The following CNNM1 variants were observed in gnomAD, a reference collection of about 807,000 sequenced individuals.
CNNM1 encodes the protein metal transporter CNNM1.
In CNNM1, 44 loss-of-function variants were observed where a neutral mutation model predicts 78.8. That is an observed-to-expected ratio of 0.56 (90% CI 0.44 to 0.72). The LOEUF is 0.72. Among genes scored for constraint, CNNM1 ranks in the 30% least tolerant of loss-of-function variants. The pLI, the probability that CNNM1 is intolerant of heterozygous loss-of-function variation, is 0.00. For synonymous variants in CNNM1, 584 were observed against 581.5 expected (o/e 1.00, Z -0.06); for missense variants, 1,101 against 1,292.2 (o/e 0.85, Z 2.27).
chr10:99,334,835 C>T (rs1252866304), intron 1 of CNNM1, among the ~76,000 whole-genome samples: 7 of 152,154 alleles, frequency 4.6e-5, no homozygotes, highest in Admixed American at 4.6e-4. Flanking sequence ...AACAGTTCTT[C>T]CAGGCACCAT....
rs532987929 is a variant in CNNM1 at position 99,365,867 on chromosome 10, G to A, written c.2176+865G>A. On this transcript the variant is annotated intron_variant, in intron 6 of 10. Coordinates refer to ENST00000356713, the MANE Select transcript of CNNM1 (RefSeq NM_020348.3). ...GAGGGTCCCAGAGCTTGATATCATA[G>A]TCCCTGGAACATGGCAAGGTAGATA... Among the ~76,000 whole-genome samples, 5 of 152,296 alleles carry A rather than the reference G, an allele frequency of 3.3e-5. No homozygotes were observed. The South Asian group carries it at 1.0e-3, about 32-fold the overall frequency.
chr10:99,368,176 A>G (rs1295081759), intron 6 of CNNM1, among the ~76,000 whole-genome samples: 1 of 152,194 alleles, frequency 6.6e-6, no homozygotes, highest in Non-Finnish European at 1.5e-5. Flanking sequence ...GCAGGAGCAC[A>G]CGCTTTCCAT....
rs1413453927 is a variant in CNNM1, at chr10:99,330,970, A to G, written c.1573+10A>G. On this transcript the variant is annotated intron_variant, in intron 1 of 10. Coordinates refer to ENST00000356713, the MANE Select transcript of CNNM1 (RefSeq NM_020348.3). ...GAGGAGTTTAAGAAGGGTGAGCAGT[A>G]GTCTATCTTCTCCCCCAACTCCTAT... 6.3e-7 allele frequency: 1 copy of G among 1,599,244 alleles called. No individual in the cohort carries two copies. The highest frequency in any genetic ancestry group is 1.3e-5 in the African/African-American group (1 of 74,714).
rs767922278 is a variant in CNNM1 at position 99,330,428 on chromosome 10, T to C, written c.1041T>C (p.Cys347=). 1.3e-6 allele frequency: 2 copies of C among 1,593,414 alleles called. No homozygotes were observed. The highest frequency in any genetic ancestry group is 2.7e-5 in the African/African-American group (2 of 74,560). ...LGAEICPYSV[C]SRHGLAIASH... ...CCGAAATCTGCCCCTACTCAGTGTG[T>C]TCGCGGCACGGGCTGGCCATCGCCT... Residue 347 remains cysteine, a synonymous_variant, in exon 1 of 11, where the codon TGT becomes TGC. Coordinates refer to ENST00000356713, the MANE Select transcript of CNNM1 (RefSeq NM_020348.3).
intron 7 of CNNM1, among the ~76,000 whole-genome samples, chr10:99,383,431 G>T (rs1037047012): frequency 3.9e-5 from 6 of 152,000 alleles, no homozygotes; most frequent in Non-Finnish European, 8.8e-5. Flanking sequence ...GCGCCACCAC[G>T]CCTGGCTAAT....
Position 99,330,707 on chromosome 10 carries a change from C to A in CNNM1, c.1320C>A (p.Phe440Leu). Residue 440 changes from phenylalanine (F) to leucine (L), a missense_variant, in exon 1 of 11, where the codon TTC becomes TTA. Phe to Leu is a conservative substitution (Grantham distance 22, BLOSUM62 0). Around this residue, in one of 3 missense-constraint regions of CNNM1, gnomAD observed 277 missense variants for 423.2 expected, o/e 0.65. Coordinates refer to ENST00000356713, the MANE Select transcript of CNNM1 (RefSeq NM_020348.3). ...EEVLTPLGDCFMLRSDAVLDF... is the reference protein window; with the variant it reads ...EEVLTPLGDCLMLRSDAVLDF... ...TGCTGACCCCCCTGGGAGACTGCTT[C>A]ATGCTGCGCTCAGACGCGGTGCTCG... 6.2e-7 allele frequency: 1 copy of A among 1,614,034 alleles called. No homozygotes were observed. The highest frequency in any genetic ancestry group is 8.5e-7 in the Non-Finnish European group (1 of 1,179,888).
intron 7 of CNNM1, among the ~76,000 whole-genome samples, chr10:99,383,725 G>A (rs1488252366): frequency 6.6e-6 from 1 of 152,218 alleles, no homozygotes; most frequent in African/African-American, 2.4e-5. Context: ...AGAGAAGCTG[G>A]GTGGGACCAG....
chr10:99,354,163 A>G (rs541847108), intron 1 of CNNM1, among the ~76,000 whole-genome samples: 18 of 152,338 alleles, frequency 1.2e-4, no homozygotes, highest in African/African-American at 4.3e-4. Flanking sequence ...AGCACATATT[A>G]GCAGAAAAGT....
Position 99,392,189 on chromosome 10 carries a change from T to C in CNNM1, c.*673T>C, listed in dbSNP as rs183979129. 19 of 152,454 alleles carry C rather than the reference T, an allele frequency of 1.2e-4. No homozygotes were observed. The highest frequency in any genetic ancestry group is 4.6e-4 in the African/African-American group (19 of 41,570). The allele number at this position is 152,454 out of a possible 1,614,324, so 9.4% of individuals were successfully genotyped here. On this transcript the variant is annotated 3_prime_UTR_variant, in exon 11 of 11. Transcript: ENST00000356713. ...CAGCTGGAATGGAAAGAATGTGAGA[T>C]GGAACCTCAAGTCACTGTTTTTACC...
chr10:99,374,197 GC>G (rs2031895370), intron 6 of CNNM1, among the ~76,000 whole-genome samples: 1 of 152,148 alleles, frequency 6.6e-6, no homozygotes, highest in South Asian at 2.1e-4. Flanking sequence ...CAACTCTTCT[GC>G]TTTTTACAAT....
chr10:99,388,807 A>G (rs1314602178), intron 9 of CNNM1, among the ~76,000 whole-genome samples: 1 of 152,228 alleles, frequency 6.6e-6, no homozygotes, highest in African/African-American at 2.4e-5. Flanking sequence ...GATGTCAGCC[A>G]TCATTCTAAC....
intron 1 of CNNM1, among the ~76,000 whole-genome samples, chr10:99,343,482 A>C (rs1261809386): frequency 6.6e-6 from 1 of 152,126 alleles, no homozygotes; most frequent in African/African-American, 2.4e-5. Context: ...TTTTATCCTC[A>C]TTTTGTATAT....
At chr10:99,364,891 G>A in intron 5 of CNNM1, 64 bp from the exon 6 acceptor site, 2 of 1,495,616 alleles carry the variant, frequency 1.3e-6, no homozygotes, top group South Asian at 2.4e-5. Context: ...GAAGAGGGAA[G>A]ATTCCCATAA....
chr10:99,356,097 A>T (rs1185603139), intron 1 of CNNM1, among the ~76,000 whole-genome samples: 2 of 152,194 alleles, frequency 1.3e-5, no homozygotes, highest in African/African-American at 4.8e-5. Flanking sequence ...ATTCAAAAGA[A>T]GTACAGCGGG....
intron 2 of CNNM1, among the ~76,000 whole-genome samples, chr10:99,360,084 G>A (rs1260625735): frequency 6.6e-6 from 1 of 152,196 alleles, no homozygotes; most frequent in African/African-American, 2.4e-5. Flanking sequence ...ACCAGACCCT[G>A]CCTGAGGCCC....
chr10:99,367,653 A>G (rs1041838814), intron 6 of CNNM1, among the ~76,000 whole-genome samples: 5 of 152,362 alleles, frequency 3.3e-5, no homozygotes, highest in Admixed American at 3.3e-4. Context: ...ATTCATTAAC[A>G]TCTCATGTCA....
In CNNM1 at chr10:99,331,309, G is replaced by A. The variant is rs560350425; in HGVS notation, c.1573+349G>A. On this transcript the variant is annotated intron_variant, in intron 1 of 10. Transcript: ENST00000356713. ...TTGCATAGCTCCCCACCTATTACAG[G>A]AGACACCTCTGCAGGTTCCCATACA... Among the ~76,000 whole-genome samples, 3 of 152,266 alleles carry A rather than the reference G, an allele frequency of 2.0e-5. No homozygotes were observed. The South Asian group carries it at 6.2e-4, about 32-fold the overall frequency.
intron 1 of CNNM1, among the ~76,000 whole-genome samples, chr10:99,350,605 G>A (rs2030907188): frequency 6.6e-6 from 1 of 152,286 alleles, no homozygotes; most frequent in Middle Eastern, 3.4e-3. Context: ...CAGTTGTGAT[G>A]TTGCTGCCAC....
Position 99,364,965 on chromosome 10 carries a change from G to A in CNNM1, c.2139G>A (p.Val713=). Residue 713 remains valine, a synonymous_variant, in exon 6 of 11, where the codon GTG becomes GTA. Coordinates refer to ENST00000356713, the MANE Select transcript of CNNM1 (RefSeq NM_020348.3). ...TGCTTCTGTCCTTAGATAATGACGT[G>A]CGGAAGGTTGGAAGTCTGGCTGGAT... ...IMTTACSDND[V]RKVGSLAGSS... is the part of the protein sequence containing the mutation. 1.2e-6 allele frequency: 2 copies of A among 1,613,910 alleles called. No homozygotes were observed. Among genetic ancestry groups the A allele is most frequent in the Non-Finnish European group, 1.7e-6 (2 of 1,179,866 alleles).
Sources: gnomAD v4.1 joint callset for allele counts (sites outside exome capture counted in the v4.1 genomes callset) on GRCh38, gnomAD v4.1.1 for gene constraint, gnomAD v4.1.1 regional missense constraint, MANE v1.5 for transcripts, NCBI Gene and HGNC (gene_info 2026-07-23, HGNC 2026-07-21) for gene names.